Variants in EIF4E3 observed in about 807,000 individuals in gnomAD.
The protein encoded by EIF4E3 is eukaryotic translation initiation factor 4E type 3.
Under a neutral mutation model 31.7 loss-of-function variants are expected in EIF4E3, and 26 were observed. The ratio of observed to expected loss-of-function variants is 0.82; its 90% CI spans 0.60 to 1.14. The LOEUF is 1.14. Ranked by LOEUF, EIF4E3 falls within the 50% of genes most tolerant of loss-of-function variation. The pLI is 0.00. For missense variants in EIF4E3, 304 were observed against 270.9 expected, an observed-to-expected ratio of 1.12 and a Z score of -0.86; for synonymous variants, 128 against 107.7, an observed-to-expected ratio of 1.19 and a Z score of -1.17.
At chr3:71,666,419 C>G in the EIF4E3 span, among the ~76,000 whole-genome samples, 3 of 152,120 alleles carry the variant, frequency 2.0e-5, no homozygotes, top group Non-Finnish European at 4.4e-5. Flanking sequence ...CTGAACAGGC[C>G]AATAACAAGT....
intron 1 of EIF4E3, among the ~76,000 whole-genome samples, chr3:71,738,706 G>T (rs1216308064): frequency 6.6e-6 from 1 of 151,962 alleles, no homozygotes; most frequent in Non-Finnish European, 1.5e-5. Flanking sequence ...GAAAATTATA[G>T]CTGGGAACTT....
chr3:71,746,252 C>T (rs1163755637), intron 1 of EIF4E3, among the ~76,000 whole-genome samples: 1 of 152,212 alleles, frequency 6.6e-6, no homozygotes, highest in Non-Finnish European at 1.5e-5. Context: ...ATCTGTCAAA[C>T]TGGGGTAGGA....
intron 1 of EIF4E3, among the ~76,000 whole-genome samples, chr3:71,719,516 G>T (rs936392681): frequency 6.6e-6 from 1 of 150,392 alleles, no homozygotes; most frequent in Non-Finnish European, 1.5e-5. Context: ...AGCTGTATAT[G>T]ATGGCTCACC....
chr3:71,673,387 T>C (rs1483899290), downstream of EIF4E3, among the ~76,000 whole-genome samples: 1 of 152,216 alleles, frequency 6.6e-6, no homozygotes, highest in Non-Finnish European at 1.5e-5. Context: ...AGTCAAGGGC[T>C]TGTTTGGCTT....
intron 1 of EIF4E3, among the ~76,000 whole-genome samples, chr3:71,743,937 T>C (rs2049846003): frequency 6.6e-6 from 1 of 151,970 alleles, no homozygotes; most frequent in African/African-American, 2.4e-5. Context: ...TCACACCATT[T>C]ATAATATTAA....
chr3:71,700,262 G>T (rs937800921), intron 2 of EIF4E3, among the ~76,000 whole-genome samples: 9 of 152,130 alleles, frequency 5.9e-5, no homozygotes, highest in Admixed American at 3.9e-4. Context: ...AGGAAGCTAT[G>T]GTTATTAAGC....
chr3:71,662,198 C>T, the EIF4E3 span, among the ~76,000 whole-genome samples: 2 of 152,308 alleles, frequency 1.3e-5, no homozygotes, highest in South Asian at 4.1e-4. Flanking sequence ...GGGAGAGTGT[C>T]TCAGTATAGA....
the EIF4E3 span, among the ~76,000 whole-genome samples, chr3:71,667,643 C>T: frequency 2.0e-5 from 3 of 152,172 alleles, no homozygotes; most frequent in Non-Finnish European, 4.4e-5. Flanking sequence ...TGAGTGAACT[C>T]CCATTCACAA....
At chr3:71,750,087 A>G (rs1010232963) in intron 1 of EIF4E3, among the ~76,000 whole-genome samples, 1 of 152,238 alleles carries the variant, frequency 6.6e-6, no homozygotes. Context: ...TGCACCGTAG[A>G]TAGAAACAGA....
intron 2 of EIF4E3, 78 bp from the exon 3 acceptor site, chr3:71,699,786 A>G (rs910816902): frequency 8.2e-7 from 1 of 1,215,376 alleles, no homozygotes; most frequent in African/African-American, 1.5e-5. Context: ...AAATTAATGC[A>G]TTAAAGAAAA....
chr3:71,746,260 G>A lies in EIF4E3; in HGVS notation c.-291+7203C>T, dbSNP rs958820965. ...GCTCCTCATCTGTCAAACTGGGGTA[G>A]GAGATTTTGTAGGAGTAAATTATTA... On this transcript the variant is annotated intron_variant, in intron 1 of 7. Transcript: ENST00000295612. Among the ~76,000 whole-genome samples the A allele has an allele frequency of 3.3e-5, 5 of 152,208 alleles. No individual in the cohort carries two copies. The East Asian group carries it at 9.6e-4, about 29-fold the overall frequency.
Position 71,693,858 on chromosome 3 carries a change from G to A in EIF4E3, c.472+17C>T. ...AGCACACGAGGCAGGGCCGGCCGGA[G>A]CCGTGGGCTGCTTTACCTGCTGCGG... On this transcript the variant is annotated intron_variant, in intron 5 of 6. Coordinates refer to ENST00000425534, the MANE Select transcript of EIF4E3 (RefSeq NM_001134651.2). 3.9e-6 allele frequency: 6 copies of A among 1,538,280 alleles called. No homozygotes were observed. The highest frequency in any genetic ancestry group is 2.4e-5 in the East Asian group (1 of 41,508).
intron 1 of EIF4E3, among the ~76,000 whole-genome samples, chr3:71,737,507 T>C (rs1365391625): frequency 6.6e-6 from 1 of 152,136 alleles, no homozygotes; most frequent in Admixed American, 6.5e-5. Flanking sequence ...AATAAACCCT[T>C]GGATTCAAGA....
chr3:71,737,351 CT>C (rs1435845678), intron 1 of EIF4E3, among the ~76,000 whole-genome samples: 2 of 152,166 alleles, frequency 1.3e-5, no homozygotes, highest in Non-Finnish European at 2.9e-5. Flanking sequence ...GCTTGAATAT[CT>C]GGTGTACAAA....
upstream of EIF4E3, chr3:71,754,017 C>A: frequency 8.8e-7 from 1 of 1,130,660 alleles, no homozygotes; most frequent in South Asian, 3.2e-5. This position sits in a 1 kb window ranked among gnomAD's most constrained non-coding sequence, Gnocchi z 5.8. Flanking sequence ...GGGGACGGCC[C>A]CGGGGCGGAG....
Position 71,679,262 on chromosome 3 carries a change from T to C in EIF4E3, c.*5420A>G, listed in dbSNP as rs1434093712. ...GATGAGAGGTAGCATAAATTTTCTATAGAAAACTCAGAAACACTCAATTTA... is the reference window on the plus strand; with the variant it reads ...GATGAGAGGTAGCATAAATTTTCTACAGAAAACTCAGAAACACTCAATTTA... On this transcript the variant is annotated 3_prime_UTR_variant, in exon 7 of 7. Coordinates refer to ENST00000425534, the MANE Select transcript of EIF4E3 (RefSeq NM_001134651.2). 6.6e-6 allele frequency: 1 copy of C among 152,196 alleles called. No individual in the cohort carries two copies. Among genetic ancestry groups the C allele is most frequent in the Non-Finnish European group, 1.5e-5 (1 of 68,014 alleles). The allele number at this position is 152,196 out of a possible 1,614,324, so 9.4% of individuals were successfully genotyped here.
upstream of EIF4E3, chr3:71,725,510 C>CGCCGCCCGCCGCCT (rs1553666910): frequency 3.2e-6 from 1 of 311,668 alleles, no homozygotes; most frequent in African/African-American, 2.4e-5. The surrounding 1 kb of genome is among the most constrained non-coding windows in gnomAD (Gnocchi z 6.1). Flanking sequence ...GCCCGCCGCC[C>CGCCGCCCGCCGCCT]GCCGCCTTCA....
intron 1 of EIF4E3, among the ~76,000 whole-genome samples, chr3:71,742,956 C>G (rs925478799): frequency 6.6e-6 from 1 of 152,090 alleles, no homozygotes; most frequent in East Asian, 1.9e-4. Context: ...AACAAGCAAA[C>G]AAACAAAAAC....
Position 71,697,007 on chromosome 3 carries a change from C to T in EIF4E3, c.345-487G>A, listed in dbSNP as rs538620225. 1.1e-4 allele frequency among the ~76,000 whole-genome samples: 17 copies of T among 149,918 alleles called. No individual in the cohort carries two copies. The South Asian group carries it at 2.8e-3, about 24-fold the overall frequency. On this transcript the variant is annotated intron_variant, in intron 3 of 6. Transcript: ENST00000425534. The stretch of plus-strand genomic sequence containing the variant: ...CGCTGGGATTACAGACGTAAGCCAC[C>T]GCACCCGGCCCCTGAATTTTTTTTT...
Sources: gnomAD v4.1 joint callset for allele counts (sites outside exome capture counted in the v4.1 genomes callset) on GRCh38, gnomAD v4.1.1 for gene constraint, Gnocchi (gnomAD v3.1) non-coding constraint, MANE v1.5 for transcripts, NCBI Gene and HGNC (gene_info 2026-07-23, HGNC 2026-07-21) for gene names.